ANKRD6: variants seen among roughly 807,000 people sequenced by gnomAD.
The protein encoded by ANKRD6 is ankyrin repeat domain 6, also known as ankyrin repeat domain-containing protein 6.
ANKRD6 carries 56 observed loss-of-function variants against 82.3 expected under a neutral mutation model. The ratio of observed to expected loss-of-function variants is 0.68; its 90% CI spans 0.55 to 0.85. The LOEUF (loss-of-function observed/expected upper bound fraction) is 0.85. Ranked by LOEUF, ANKRD6 falls within the 40% of genes least tolerant of loss-of-function variation. The pLI is 0.00. For missense variants in ANKRD6, 852 were observed against 907.6 expected, an observed-to-expected ratio of 0.94 and a Z score of 0.79; for synonymous variants, 347 against 352.1, an observed-to-expected ratio of 0.99 and a Z score of 0.16.
chr6:89,477,208 T>A (rs1776152090), intron 1 of ANKRD6, among the ~76,000 whole-genome samples: 2 of 152,120 alleles, frequency 1.3e-5, no homozygotes, highest in Non-Finnish European at 2.9e-5. Flanking sequence ...CCTCCCAAAG[T>A]GCTGGGATTA....
intron 1 of ANKRD6, among the ~76,000 whole-genome samples, chr6:89,484,275 T>C (rs561107340): frequency 8.9e-4 from 136 of 152,356 alleles, no homozygotes; most frequent in Non-Finnish European, 1.6e-3. Context: ...ATTCAATATG[T>C]GAATTGTGAA....
At chr6:89,435,269 A>C (rs1770490213) in intron 1 of ANKRD6, among the ~76,000 whole-genome samples, 1 of 152,200 alleles carries the variant, frequency 6.6e-6, no homozygotes, top group Non-Finnish European at 1.5e-5. Context: ...ATCACACCCA[A>C]GTACGAGTCA....
At chr6:89,492,907 G>A (rs1778177040) in intron 1 of ANKRD6, among the ~76,000 whole-genome samples, 1 of 152,140 alleles carries the variant, frequency 6.6e-6, no homozygotes, top group Admixed American at 6.5e-5. Flanking sequence ...CTTTTCAGCT[G>A]TCTTCCTAAG....
chr6:89,445,838 C>A (rs1248422646), intron 1 of ANKRD6, among the ~76,000 whole-genome samples: 1 of 151,904 alleles, frequency 6.6e-6, no homozygotes, highest in Admixed American at 6.6e-5. Flanking sequence ...CCTTGGCCTC[C>A]CAAAGTGCTA....
chr6:89,499,784 C>T (rs375864791), intron 1 of ANKRD6, among the ~76,000 whole-genome samples: 1 of 152,178 alleles, frequency 6.6e-6, no homozygotes, highest in Non-Finnish European at 1.5e-5. Context: ...AACACCCTCA[C>T]GGTCCCCTTT....
rs985209379 is a variant in ANKRD6 at position 89,628,718 on chromosome 6, C to T, written c.1486-394C>T. 20 of 239,986 alleles carry T rather than the reference C, an allele frequency of 8.3e-5. 1 individual carries two copies. The highest frequency in any genetic ancestry group is 1.1e-4 in the Non-Finnish European group (14 of 122,514). The allele number at this position is 239,986 out of a possible 1,614,324, so 14.9% of individuals were successfully genotyped here. A position where few individuals can be genotyped will look rare whatever the true frequency, so the allele number is the denominator to read the frequency against. On this transcript the variant is annotated intron_variant, in intron 14 of 15. Transcript: ENST00000339746. ...CCAGGAGGCAGAGCTTGCAGTGAGCCGACATCGTGCCACTGCACTCCAGCC... is the reference window on the plus strand; with the variant it reads ...CCAGGAGGCAGAGCTTGCAGTGAGCTGACATCGTGCCACTGCACTCCAGCC...
chr6:89,515,560 C>T (rs1403489270), intron 1 of ANKRD6, among the ~76,000 whole-genome samples: 1 of 152,218 alleles, frequency 6.6e-6, no homozygotes, highest in Non-Finnish European at 1.5e-5. Context: ...ACCTTCAGAA[C>T]CTGTGCATAT....
At chr6:89,501,758 T>A (rs1032183174) in intron 1 of ANKRD6, among the ~76,000 whole-genome samples, 7 of 152,198 alleles carry the variant, frequency 4.6e-5, no homozygotes, top group African/African-American at 1.4e-4. Context: ...TTTGTGCTTG[T>A]GTGATGCAGT....
At chr6:89,558,901 G>T (rs1787002828) in intron 1 of ANKRD6, among the ~76,000 whole-genome samples, 1 of 152,076 alleles carries the variant, frequency 6.6e-6, no homozygotes, top group Non-Finnish European at 1.5e-5. Flanking sequence ...AAGTCTATCA[G>T]TGAAGATAAA....
At chr6:89,535,961 G>A (rs1232207813) in intron 1 of ANKRD6, among the ~76,000 whole-genome samples, 1 of 152,224 alleles carries the variant, frequency 6.6e-6, no homozygotes, top group Non-Finnish European at 1.5e-5. Flanking sequence ...CAGGTGTGGT[G>A]GCTCATGTCT....
In ANKRD6 at chr6:89,595,666, A is replaced by G. The variant is rs116699359; in HGVS notation, c.121-250A>G. On this transcript the variant is annotated intron_variant, in intron 2 of 15. Transcript: ENST00000339746. ...TGATAGTCTGATGAGTGGAGAGTAG[A>G]AATAATGCACTAAAGGAAATCTTCA... is the stretch of plus-strand genomic sequence containing the variant. 3.2e-3 allele frequency among the ~76,000 whole-genome samples: 482 copies of G among 152,310 alleles called. 2 individuals carry two copies. Among genetic ancestry groups the G allele is most frequent in the African/African-American group, 0.011 (469 of 41,562 alleles).
intron 1 of ANKRD6, among the ~76,000 whole-genome samples, chr6:89,461,752 C>A (rs1774171433): frequency 6.6e-6 from 1 of 152,082 alleles, no homozygotes; most frequent in African/African-American, 2.4e-5. Context: ...CAACATTCAA[C>A]CCAGACTTTT....
At position 89,578,210 on chromosome 6, in the gene ANKRD6, C is replaced by T. The variant is rs560881048; in HGVS notation, c.120+11114C>T. On this transcript the variant is annotated intron_variant, in intron 2 of 15. Transcript: ENST00000339746. ...GCTTTCATTTGGTGAGCCAGGAGAA[C>T]GACATGGGACACATGAGACTGTTAA... Among the ~76,000 whole-genome samples, 65 of 151,116 alleles carry T rather than the reference C, an allele frequency of 4.3e-4. 1 individual carries two copies. The highest frequency in any genetic ancestry group is 8.1e-4 in the Non-Finnish European group (55 of 67,918).
At chr6:89,490,712 GAGAAGCTGC>G (rs1372596604) in intron 1 of ANKRD6, among the ~76,000 whole-genome samples, 2 of 152,192 alleles carry the variant, frequency 1.3e-5, no homozygotes, top group African/African-American at 4.8e-5. Flanking sequence ...ACACAGCTGT[GAGAAGCTGC>G]AGGGTGTGTC....
At chr6:89,629,974 T>C (rs966569578) in intron 15 of ANKRD6, among the ~76,000 whole-genome samples, 2 of 152,182 alleles carry the variant, frequency 1.3e-5, no homozygotes, top group Non-Finnish European at 2.9e-5. Context: ...CCTTTCCAAA[T>C]TGGAGCTTGG....
At chr6:89,628,431 C>T (rs1806408675) in intron 14 of ANKRD6, 1 of 156,392 alleles carries the variant, frequency 6.4e-6, no homozygotes, top group Admixed American at 6.2e-5. Flanking sequence ...GCAAGAGAGA[C>T]AGGAGGGAGG....
intron 1 of ANKRD6, among the ~76,000 whole-genome samples, chr6:89,522,214 T>A (rs1781974468): frequency 6.6e-6 from 1 of 152,222 alleles, no homozygotes; most frequent in Non-Finnish European, 1.5e-5. Flanking sequence ...CTACATGATA[T>A]GTTGGCATCC....
At chr6:89,551,813 T>C (rs1446559248) in intron 1 of ANKRD6, among the ~76,000 whole-genome samples, 1 of 152,226 alleles carries the variant, frequency 6.6e-6, no homozygotes. Context: ...ATGATAATAA[T>C]GAGACTATCC....
At chr6:89,471,365 A>C (rs1282310184) in intron 1 of ANKRD6, among the ~76,000 whole-genome samples, 9 of 150,938 alleles carry the variant, frequency 6.0e-5, no homozygotes, top group African/African-American at 2.2e-4. Flanking sequence ...ACAACAAAAA[A>C]AAAAAAAAAA....
Sources: gnomAD v4.1 joint callset for allele counts (sites outside exome capture counted in the v4.1 genomes callset) on GRCh38, gnomAD v4.1.1 for gene constraint, MANE v1.5 for transcripts, NCBI Gene and HGNC (gene_info 2026-07-23, HGNC 2026-07-21) for gene names.